Variants in LMAN2 observed in about 807,000 individuals in gnomAD.
LMAN2 encodes vesicular integral-membrane protein VIP36.
Under a neutral mutation model 39.3 loss-of-function variants are expected in LMAN2, and 22 were observed. The observed-to-expected ratio is 0.56, with a 90% confidence interval of 0.40 to 0.80. The LOEUF (loss-of-function observed/expected upper bound fraction) is 0.80, where lower values mean the gene tolerates loss of function less well. LMAN2 is among the 30% of genes least tolerant of loss of function. LMAN2 has a pLI of 0.00. For synonymous variants in LMAN2, 207 were observed against 207.8 expected (o/e 1.00, Z 0.03); for missense variants, 494 against 505.4 (o/e 0.98, Z 0.22).
chr5:177,345,749 A>ATTTG (rs1478911674), intron 2 of LMAN2, among the ~76,000 whole-genome samples: 1 of 148,170 alleles, frequency 6.7e-6, no homozygotes, highest in African/African-American at 2.5e-5. Context: ...TTATTTATTT[A>ATTTG]TTTATTTATT....
intron 7 of LMAN2, 109 bp downstream of exon 7, chr5:177,334,175 A>C: frequency 6.7e-7 from 1 of 1,486,342 alleles, no homozygotes; most frequent in Non-Finnish European, 8.9e-7. Flanking sequence ...AAGAGCCCAG[A>C]CCACAACCAC....
intron 2 of LMAN2, among the ~76,000 whole-genome samples, chr5:177,340,534 T>C (rs1761534965): frequency 6.6e-6 from 1 of 152,078 alleles, no homozygotes; most frequent in African/African-American, 2.4e-5. Flanking sequence ...TCTCAGCACT[T>C]TGGGAGGCTG....
At chr5:177,350,727 G>A (rs1375786708) in intron 2 of LMAN2, among the ~76,000 whole-genome samples, 3 of 152,196 alleles carry the variant, frequency 2.0e-5, no homozygotes, top group Admixed American at 6.5e-5. Context: ...CAGCTTGTTT[G>A]AAAATTAAAT....
intron 6 of LMAN2, among the ~76,000 whole-genome samples, chr5:177,336,665 C>T (rs1442051259): frequency 6.6e-6 from 1 of 152,216 alleles, no homozygotes; most frequent in Non-Finnish European, 1.5e-5. Context: ...GTGCCACTGA[C>T]ATCCCGATGG....
Position 177,337,767 on chromosome 5 carries a change from T to C in LMAN2, c.452A>G (p.Lys151Arg), listed in dbSNP as rs376320709. The C allele has an allele frequency of 1.2e-6, 2 of 1,613,862 alleles. No homozygotes were observed. Among genetic ancestry groups the C allele is most frequent in the Non-Finnish European group, 8.5e-7 (1 of 1,179,946 alleles). The change falls in exon 4 of 8, where the codon AAA becomes AGA. Residue 151 changes from lysine (K) to arginine (R), a missense_variant. Physicochemically the swap from Lys to Arg is conservative, Grantham distance 26. Coordinates refer to ENST00000303127, the MANE Select transcript of LMAN2 (RefSeq NM_006816.3). The surrounding 1 kb of genome is among the most constrained non-coding windows in gnomAD (Gnocchi z 8.2). ...GATGGCTAAGCCGTGGAAGTTATCT[T>C]TGCTTCCAAACACAGGCCCTAGAAT... is the stretch of plus-strand genomic sequence containing the variant. The part of the protein sequence containing the change: ...RLVPGPVFGS[K>R]DNFHGLAIFL...
chr5:177,335,429 C>A (rs1761455855), intron 6 of LMAN2, among the ~76,000 whole-genome samples: 1 of 152,212 alleles, frequency 6.6e-6, no homozygotes, highest in Non-Finnish European at 1.5e-5. Context: ...CACTGATGAC[C>A]CCTGACCAGT....
At chr5:177,340,921 AT>A (rs1761542091) in intron 2 of LMAN2, among the ~76,000 whole-genome samples, 1 of 150,436 alleles carries the variant, frequency 6.6e-6, no homozygotes, top group Non-Finnish European at 1.5e-5. Context: ...CACCCGGCTA[AT>A]TTTTTTGTAT....
intron 2 of LMAN2, among the ~76,000 whole-genome samples, chr5:177,340,956 C>A (rs1484603216): frequency 6.6e-6 from 1 of 151,616 alleles, no homozygotes; most frequent in Non-Finnish European, 1.5e-5. Context: ...AGGGTTTCAC[C>A]GTGTTAGCCA....
At chr5:177,346,332 C>G in intron 2 of LMAN2, 1 of 391,004 alleles carries the variant, frequency 2.6e-6, no homozygotes. Context: ...ACAAGTGGCT[C>G]ACTGACCTCC....
chr5:177,341,102 T>C (rs1307578829), intron 2 of LMAN2, among the ~76,000 whole-genome samples: 2 of 139,854 alleles, frequency 1.4e-5, no homozygotes, highest in East Asian at 4.2e-4. Flanking sequence ...GTTTCGCTCT[T>C]GTTGCCCAGG....
intron 2 of LMAN2, among the ~76,000 whole-genome samples, chr5:177,339,185 C>T (rs959841655): frequency 6.6e-6 from 1 of 152,212 alleles, no homozygotes; most frequent in Admixed American, 6.5e-5. Flanking sequence ...CAGTACTTCC[C>T]GCGGCCTGCA....
intron 2 of LMAN2, among the ~76,000 whole-genome samples, chr5:177,347,481 G>A (rs1243002376): frequency 6.6e-6 from 1 of 152,182 alleles, no homozygotes; most frequent in African/African-American, 2.4e-5. Flanking sequence ...GGCCTCTGGA[G>A]GATCTTAAGC....
In LMAN2 at chr5:177,341,214, G is replaced by T. The variant is rs565505717; in HGVS notation, c.316-2609C>A. ...CCTGAGGAGCTGGGATTACAGGCAT[G>T]CGCCACTACGCCTGGCTAATTTTGT... On this transcript the variant is annotated intron_variant, in intron 2 of 7. Transcript: ENST00000303127. Among the ~76,000 whole-genome samples, 6 of 152,012 alleles carry T rather than the reference G, an allele frequency of 3.9e-5. No individual in the cohort carries two copies. In the East Asian group the frequency reaches 1.2e-3, roughly 29 times the overall value.
At chr5:177,345,139 C>T (rs1352030816) in intron 2 of LMAN2, among the ~76,000 whole-genome samples, 2 of 148,508 alleles carry the variant, frequency 1.3e-5, no homozygotes, top group South Asian at 2.1e-4. Flanking sequence ...CCAGAGTTCA[C>T]GACCAGCCTA....
At chr5:177,341,405 G>C (rs1438356210) in intron 2 of LMAN2, among the ~76,000 whole-genome samples, 1 of 152,084 alleles carries the variant, frequency 6.6e-6, no homozygotes, top group Non-Finnish European at 1.5e-5. Context: ...GGAACCAGAG[G>C]GAAAAAAGGC....
Position 177,351,520 on chromosome 5 carries a change from G to A in LMAN2, c.128C>T (p.Thr43Ile), listed in dbSNP as rs970629618. The A allele has an allele frequency of 6.2e-7, 1 of 1,614,266 alleles. No individual in the cohort carries two copies. The change falls in exon 1 of 8, where the codon ACT (threonine) becomes ATT (isoleucine). Residue 43 changes from threonine (T) to isoleucine (I), a missense_variant. Physicochemically the swap from Thr to Ile is moderately conservative, Grantham distance 89 (BLOSUM62 -1). Coordinates refer to ENST00000303127, the MANE Select transcript of LMAN2 (RefSeq NM_006816.3). ...LFLLLLLGSV[T>I]ADITDGNSEH... ...ACTGTTGCCGTCAGTTATATCCGCAGTCACAGACCCCAACAACAAAAGAAG... is the reference window on the plus strand; with the variant it reads ...ACTGTTGCCGTCAGTTATATCCGCAATCACAGACCCCAACAACAAAAGAAG...
At chr5:177,336,882 A>C (rs527765006) in intron 6 of LMAN2, 3 of 558,930 alleles carry the variant, frequency 5.4e-6, no homozygotes. Context: ...CAGCCAGGTG[A>C]GCTCAGAAAC....
In LMAN2 at chr5:177,331,895, T is replaced by G. The variant is rs1581599654; in HGVS notation, c.*191A>C. The G allele has an allele frequency of 2.1e-5, 12 of 579,628 alleles. No individual in the cohort carries two copies. Among genetic ancestry groups the G allele is most frequent in the South Asian group, 2.8e-5 (1 of 35,946 alleles). The allele number at this position is 579,628 out of a possible 1,614,324, so 35.9% of individuals were successfully genotyped here. On this transcript the variant is annotated 3_prime_UTR_variant, in exon 8 of 8. Transcript: ENST00000303127. ...AGCCTCCGTCTCCAGCTGTGGGGGG[T>G]GCCAGACCCTAAGCCTCGGCTCTGC...
At chr5:177,351,115 G>A in intron 2 of LMAN2, 58 bp downstream of exon 2, 1 of 1,480,808 alleles carries the variant, frequency 6.8e-7, no homozygotes, top group Non-Finnish European at 9.4e-7. Flanking sequence ...CAGCTGCTCG[G>A]GAGGCAGGGA....
Sources: gnomAD v4.1 joint callset for allele counts (sites outside exome capture counted in the v4.1 genomes callset) on GRCh38, gnomAD v4.1.1 for gene constraint, Gnocchi (gnomAD v3.1) non-coding constraint, MANE v1.5 for transcripts, NCBI Gene and HGNC (gene_info 2026-07-23, HGNC 2026-07-21) for gene names.